KCNMB2: variants seen among roughly 807,000 people sequenced by gnomAD.
KCNMB2 encodes calcium-activated potassium channel subunit beta-2.
A neutral mutation model predicts 24.5 loss-of-function variants in KCNMB2; 9 were observed. The ratio of observed to expected loss-of-function variants is 0.37; its 90% CI spans 0.22 to 0.64. The LOEUF is 0.64. Ranked by LOEUF, KCNMB2 falls within the 30% of genes least tolerant of loss-of-function variation. The pLI is 0.63. For synonymous variants in KCNMB2, 109 were observed against 104.4 expected, an observed-to-expected ratio of 1.04 and a Z score of -0.27; for missense variants, 226 against 284.3, an observed-to-expected ratio of 0.79 and a Z score of 1.47.
At chr3:178,809,849 T>A (rs1386361331) in intron 2 of KCNMB2, among the ~76,000 whole-genome samples, 1 of 152,208 alleles carries the variant, frequency 6.6e-6, no homozygotes, top group Non-Finnish European at 1.5e-5. Flanking sequence ...TTATAATAAT[T>A]AAAATATTGA....
intron 1 of KCNMB2, among the ~76,000 whole-genome samples, chr3:178,575,253 A>G (rs1251412461): frequency 6.6e-6 from 1 of 152,182 alleles, no homozygotes; most frequent in Non-Finnish European, 1.5e-5. Flanking sequence ...CTGGGTAGTT[A>G]CAGAAGGAAG....
chr3:178,641,872 T>A (rs181953262), intron 1 of KCNMB2, among the ~76,000 whole-genome samples: 57 of 152,258 alleles, frequency 3.7e-4, no homozygotes, highest in Admixed American at 2.7e-3. Flanking sequence ...AATGGGTAAA[T>A]CTTATTTTTA....
chr3:178,599,546 T>C (rs1249748391), intron 1 of KCNMB2, among the ~76,000 whole-genome samples: 1 of 152,206 alleles, frequency 6.6e-6, no homozygotes, highest in Non-Finnish European at 1.5e-5. Flanking sequence ...TTCTGCACAC[T>C]CATCCTTACA....
chr3:178,827,248 A>G (rs1424232875), intron 3 of KCNMB2, among the ~76,000 whole-genome samples: 1 of 152,208 alleles, frequency 6.6e-6, no homozygotes, highest in Non-Finnish European at 1.5e-5. Context: ...GTATTTTTAA[A>G]TGACCAGTTG....
intron 1 of KCNMB2, among the ~76,000 whole-genome samples, chr3:178,614,245 TTTTATATATATATA>T (rs1718599870): frequency 1.7e-5 from 1 of 59,858 alleles, no homozygotes; most frequent in South Asian, 6.6e-4. Flanking sequence ...ACTGGGCTAA[TTTTATATATATATA>T]TATATATATA....
At chr3:178,736,897 T>C (rs1169673186) in intron 1 of KCNMB2, among the ~76,000 whole-genome samples, 1 of 152,234 alleles carries the variant, frequency 6.6e-6, no homozygotes, top group Non-Finnish European at 1.5e-5. Context: ...TAACCAATTT[T>C]ATCAAAAAAC....
At chr3:178,735,551 C>T (rs1363142961) in intron 1 of KCNMB2, among the ~76,000 whole-genome samples, 8 of 152,210 alleles carry the variant, frequency 5.3e-5, no homozygotes, top group Non-Finnish European at 1.0e-4. Flanking sequence ...AGTTCCAGCT[C>T]CTTCACAACT....
intron 1 of KCNMB2, among the ~76,000 whole-genome samples, chr3:178,541,886 G>C (rs983302331): frequency 6.6e-6 from 1 of 152,008 alleles, no homozygotes; most frequent in African/African-American, 2.4e-5. Context: ...GACTCAGTCC[G>C]ATCACCTGCT....
intron 1 of KCNMB2, among the ~76,000 whole-genome samples, chr3:178,806,152 T>G (rs73183336): frequency 0.03 from 4,641 of 152,214 alleles, 100 homozygotes; most frequent in Middle Eastern, 0.071. Flanking sequence ...AAGAATATAT[T>G]TTTCATTTAA....
At chr3:178,778,029 C>T (rs1374029015) in intron 1 of KCNMB2, among the ~76,000 whole-genome samples, 3 of 152,138 alleles carry the variant, frequency 2.0e-5, no homozygotes, top group East Asian at 1.9e-4. Flanking sequence ...AGCTGCATTT[C>T]CTTTTGTTCC....
chr3:178,738,290 T>G (rs958153211), intron 1 of KCNMB2, among the ~76,000 whole-genome samples: 1 of 152,202 alleles, frequency 6.6e-6, no homozygotes, highest in African/African-American at 2.4e-5. Flanking sequence ...GCCACCGGCA[T>G]CTCCAGCCTT....
At chr3:178,693,826 CTCT>C (rs1284089784) in intron 1 of KCNMB2, among the ~76,000 whole-genome samples, 2 of 151,758 alleles carry the variant, frequency 1.3e-5, no homozygotes, top group African/African-American at 4.8e-5. Flanking sequence ...ATTGTACCAG[CTCT>C]TCTTTGTACA....
chr3:178,617,885 TGTCTA>T (rs1442725594), intron 1 of KCNMB2, among the ~76,000 whole-genome samples: 13 of 113,412 alleles, frequency 1.1e-4, no homozygotes, highest in African/African-American at 4.5e-4. Context: ...AGCAAGACTC[TGTCTA>T]AAAAAAAAAA....
intron 1 of KCNMB2, among the ~76,000 whole-genome samples, chr3:178,703,353 C>A (rs374391441): frequency 6.6e-6 from 1 of 151,948 alleles, no homozygotes; most frequent in Non-Finnish European, 1.5e-5. Flanking sequence ...TTCCATTATT[C>A]CCAAGGCTTT....
In KCNMB2 at chr3:178,686,045, T is replaced by TGA. The variant is rs775320270; in HGVS notation, c.-67-121279_-67-121278dup. Among the ~76,000 whole-genome samples the TGA allele has an allele frequency of 8.5e-3, 1,280 of 150,196 alleles. 9 individuals are homozygous for TGA. Among genetic ancestry groups the TGA allele is most frequent in the African/African-American group, 9.1e-3 (373 of 40,816 alleles). On this transcript the variant is annotated intron_variant, in intron 1 of 4. Coordinates refer to ENST00000452583, the MANE Select transcript of KCNMB2 (RefSeq NM_181361.3). ...CATAACTGATTTTATTGTGTGTGTG[T>TGA]GAGAGAGAGAGAGAGAGAGATAATA...
chr3:178,771,847 C>G (rs1674109708), intron 1 of KCNMB2, among the ~76,000 whole-genome samples: 1 of 152,158 alleles, frequency 6.6e-6, no homozygotes, highest in Non-Finnish European at 1.5e-5. Flanking sequence ...ATTTATTTAT[C>G]TCATGGACAG....
intron 1 of KCNMB2, among the ~76,000 whole-genome samples, chr3:178,651,869 T>C (rs1230702047): frequency 2.0e-5 from 3 of 152,216 alleles, no homozygotes; most frequent in African/African-American, 4.8e-5. Context: ...GCTAGCCATA[T>C]GCAGAAAGCT....
At chr3:178,739,133 G>A (rs1304232780) in intron 1 of KCNMB2, among the ~76,000 whole-genome samples, 3 of 151,470 alleles carry the variant, frequency 2.0e-5, no homozygotes, top group East Asian at 3.9e-4. Flanking sequence ...ATCAGCAGGA[G>A]GTAGAAAGAG....
intron 1 of KCNMB2, among the ~76,000 whole-genome samples, chr3:178,640,553 C>G (rs1560143964): frequency 6.6e-6 from 1 of 152,136 alleles, no homozygotes; most frequent in Non-Finnish European, 1.5e-5. Flanking sequence ...GGACCCAGAG[C>G]CAAACCATAT....
Sources: allele counts gnomAD v4.1 joint callset (sites outside exome capture counted in the v4.1 genomes callset), GRCh38; gene constraint gnomAD v4.1.1; transcripts MANE v1.5; gene names NCBI Gene and HGNC (gene_info 2026-07-23, HGNC 2026-07-21).